IZUMO2: variants seen among roughly 807,000 people sequenced by gnomAD.
IZUMO2 encodes the protein IZUMO family member 2.
In IZUMO2, 24 loss-of-function variants were observed where a neutral mutation model predicts 31.2. The ratio of observed to expected loss-of-function variants is 0.77; its 90% CI spans 0.56 to 1.08. IZUMO2 has a LOEUF of 1.08. Among genes scored for constraint, IZUMO2 ranks in the 50% least tolerant of loss-of-function variants. The probability of loss-of-function intolerance (pLI) is 0.00; values close to 1 mark genes in which losing one functional copy is unlikely to be tolerated. For missense variants in IZUMO2, 278 were observed against 274.0 expected (o/e 1.01, Z -0.10); for synonymous variants, 144 against 117.3 (o/e 1.23, Z -1.47).
chr19:50,160,572 T>G (rs1440034212), intron 2 of IZUMO2: 2 of 151,378 alleles, frequency 1.3e-5, no homozygotes, highest in East Asian at 3.9e-4. Flanking sequence ...AACCTCTGCC[T>G]CCTAGGTTCA....
intron 2 of IZUMO2, chr19:50,160,387 A>G (rs910433001): frequency 6.6e-6 from 1 of 152,206 alleles, no homozygotes; most frequent in African/African-American, 2.4e-5. Flanking sequence ...TTGCATGCTG[A>G]AATGGTGATA....
In IZUMO2 at chr19:50,154,713, G is replaced by A; in HGVS notation, c.510C>T (p.Pro170=). The A allele has an allele frequency of 6.2e-7, 1 of 1,613,952 alleles. No individual in the cohort carries two copies. Among genetic ancestry groups the A allele is most frequent in the Non-Finnish European group, 8.5e-7 (1 of 1,179,948 alleles). Residue 170 remains proline, a synonymous_variant, in exon 6 of 7, where the codon CCC becomes CCT. Transcript: ENST00000293405. The part of the protein sequence containing the change: ...HKKYCFVDRQ[P]RVALQYQMDS... ...CCATCTGGTACTGCAGGGCCACGCGGGGTTGCCGGTCGACTGGGGCGGGTG... is the reference window on the plus strand; with the variant it reads ...CCATCTGGTACTGCAGGGCCACGCGAGGTTGCCGGTCGACTGGGGCGGGTG...
rs75035488 is a variant in IZUMO2 at position 50,155,728 on chromosome 19, G to A, written c.497-1002C>T. 8.9e-3 allele frequency among the ~76,000 whole-genome samples: 1,356 copies of A among 152,254 alleles called. 94 individuals carry two copies. The East Asian group carries it at 0.2, about 22-fold the overall frequency. On this transcript the variant is annotated intron_variant, in intron 5 of 6. Coordinates refer to ENST00000293405, the MANE Select transcript of IZUMO2 (RefSeq NM_152358.3). Reference sequence around the variant, plus strand: ...ACAGTTCCTCACATGGCCTCCGGGAGGCGCTGTTAAAACCTAAGTCGGCTC... The same window carrying A: ...ACAGTTCCTCACATGGCCTCCGGGAAGCGCTGTTAAAACCTAAGTCGGCTC...
chr19:50,162,112 G>A (rs1205890919), intron 2 of IZUMO2, among the ~76,000 whole-genome samples: 2 of 151,914 alleles, frequency 1.3e-5, no homozygotes, highest in Admixed American at 6.6e-5. Context: ...GTGAAACCTC[G>A]TCTCTACTAA....
intron 3 of IZUMO2, 63 bp downstream of exon 3, chr19:50,159,431 T>C: frequency 7.5e-7 from 1 of 1,330,298 alleles, no homozygotes; most frequent in Non-Finnish European, 1.1e-6. Flanking sequence ...GAAAAAGTGG[T>C]AAAAGGGGAT....
chr19:50,158,728 C>T (rs1427674021), intron 4 of IZUMO2, among the ~76,000 whole-genome samples: 3 of 152,274 alleles, frequency 2.0e-5, no homozygotes, highest in Non-Finnish European at 4.4e-5. Context: ...CTACATTTCC[C>T]AGGGTGCCTT....
intron 2 of IZUMO2, among the ~76,000 whole-genome samples, chr19:50,162,381 A>G (rs1028758732): frequency 8.5e-5 from 13 of 152,090 alleles, no homozygotes; most frequent in African/African-American, 3.1e-4. Context: ...GCTGAGACAC[A>G]AGGATTTATT....
At chr19:50,157,366 G>A (rs1392471447) in intron 5 of IZUMO2, among the ~76,000 whole-genome samples, 6 of 148,856 alleles carry the variant, frequency 4.0e-5, no homozygotes, top group South Asian at 2.1e-4. Context: ...GCAATGGTGC[G>A]ATCTTGGCTC....
Position 50,163,184 on chromosome 19 carries a change from G to A in IZUMO2, c.11C>T (p.Ala4Val). 6.5e-7 allele frequency: 1 copy of A among 1,550,228 alleles called. No homozygotes were observed. Among genetic ancestry groups the A allele is most frequent in the Non-Finnish European group, 8.7e-7 (1 of 1,147,588 alleles). The change falls in exon 1 of 7, where the codon GCT (alanine) becomes GTT (valine). Residue 4 changes from alanine to valine, a missense_variant. Coordinates refer to ENST00000293405, the MANE Select transcript of IZUMO2 (RefSeq NM_152358.3). Reference protein sequence around the residue: MPLALTLLLLSGLG... With the variant: MPLVLTLLLLSGLG... ...GCCCGAGAGCAGCAGAAGGGTCAAA[G>A]CCAGAGGCATGGCGGGGCCTTTGTG...
chr19:50,163,044 C>A lies in IZUMO2; in HGVS notation c.151G>T (p.Ala51Ser). The change falls in exon 1 of 7, where the codon GCG becomes TCG. Residue 51 changes from alanine (A) to serine (S), a missense_variant. By Grantham distance (99) the Ala-to-Ser change is moderately conservative. Coordinates refer to ENST00000293405, the MANE Select transcript of IZUMO2 (RefSeq NM_152358.3). ...PSRFQLEQLQ[A>S]RAGAVLMGME... ...CCCATCAGCACGGCCCCGGCGCGCG[C>A]CTGCAGCTGCTCCAACTGGAAGCGA... The A allele has an allele frequency of 1.2e-6, 2 of 1,613,002 alleles. No individual in the cohort carries two copies. The highest frequency in any genetic ancestry group is 2.2e-5 in the South Asian group (2 of 91,024).
rs2030452994 is a variant in IZUMO2, at chr19:50,162,971, C to T, written c.224G>A (p.Gly75Glu). The part of the protein sequence containing the change: ...FRDYALNVFV[G>E]KVETNQLDLV... ...TTTCTCCCAACACGCACCCACTTTC[C>T]CCACAAACACGTTCAGCGCGTAGTC... Residue 75 changes from glycine (G) to glutamate (E), a missense_variant, in exon 1 of 7, where the codon GGG becomes GAG. Gly to Glu is a moderately conservative substitution (Grantham distance 98, BLOSUM62 -2). Transcript: ENST00000293405. 7 of 1,613,536 alleles carry T rather than the reference C, an allele frequency of 4.3e-6. No homozygotes were observed. The highest frequency in any genetic ancestry group is 2.5e-6 in the Non-Finnish European group (3 of 1,179,786).
At chr19:50,161,215 C>G (rs1476478221) in intron 2 of IZUMO2, among the ~76,000 whole-genome samples, 1 of 151,616 alleles carries the variant, frequency 6.6e-6, no homozygotes, top group Non-Finnish European at 1.5e-5. Flanking sequence ...ACCTCCGCCT[C>G]CTGGGTTCAA....
At chr19:50,157,557 C>T (rs2030253609) in intron 5 of IZUMO2, among the ~76,000 whole-genome samples, 1 of 150,474 alleles carries the variant, frequency 6.6e-6, no homozygotes, top group African/African-American at 2.4e-5. Flanking sequence ...CTGCCTCGGA[C>T]TCCCAAAGTG....
At chr19:50,155,565 A>T (rs1449443004) in intron 5 of IZUMO2, among the ~76,000 whole-genome samples, 1 of 151,878 alleles carries the variant, frequency 6.6e-6, no homozygotes, top group Non-Finnish European at 1.5e-5. Flanking sequence ...CCCACCACCA[A>T]CTCTTTCCTT....
At chr19:50,162,634 C>T (rs1425511578) in intron 2 of IZUMO2, 105 bp downstream of exon 2, 4 of 933,718 alleles carry the variant, frequency 4.3e-6, no homozygotes, top group South Asian at 1.4e-5. Flanking sequence ...AAAAAAAAGG[C>T]TACATTGCAT....
chr19:50,154,264 GTTTTTTTTT>G lies in IZUMO2; in HGVS notation c.623+327_623+335del, dbSNP rs71180675. ...GCATCCACCAAATATAACTTTTAGC[GTTTTTTTTT>G]TTTTTTTTTTTTTTTTTTTTTTTTA... On this transcript the variant is annotated intron_variant, in intron 6 of 6. Coordinates refer to ENST00000293405, the MANE Select transcript of IZUMO2 (RefSeq NM_152358.3). 7.6e-5 allele frequency among the ~76,000 whole-genome samples: 6 copies of G among 79,288 alleles called. No individual in the cohort carries two copies. In the East Asian group the frequency reaches 1.3e-3, roughly 17 times the overall value. The allele number at this position is 79,288 out of a possible 152,430, so 52.0% of individuals were successfully genotyped here. A position where few individuals can be genotyped will look rare whatever the true frequency, so the allele number is the denominator to read the frequency against.
At chr19:50,156,419 G>A (rs994713708) in intron 5 of IZUMO2, among the ~76,000 whole-genome samples, 2 of 152,090 alleles carry the variant, frequency 1.3e-5, no homozygotes. Flanking sequence ...TAAAATGTGG[G>A]CTCCATGAGG....
At chr19:50,155,609 C>T (rs1217979019) in intron 5 of IZUMO2, among the ~76,000 whole-genome samples, 1 of 152,164 alleles carries the variant, frequency 6.6e-6, no homozygotes, top group African/African-American at 2.4e-5. Context: ...GACCTTCAAA[C>T]TGTAGGCAGA....
At chr19:50,154,280 T>G (rs1296504) in intron 6 of IZUMO2, among the ~76,000 whole-genome samples, 2,190 of 126,430 alleles carry the variant, frequency 0.017, 78 homozygotes, top group South Asian at 0.028. Context: ...TTTTTTTTTT[T>G]TTTTTTTTTT....
Sources: gnomAD v4.1 joint callset for allele counts (sites outside exome capture counted in the v4.1 genomes callset) on GRCh38, gnomAD v4.1.1 for gene constraint, MANE v1.5 for transcripts, NCBI Gene and HGNC (gene_info 2026-07-23, HGNC 2026-07-21) for gene names.